Variants in MYRIP observed in about 807,000 individuals in gnomAD.
The protein encoded by MYRIP is rab effector MyRIP.
Under a neutral mutation model 98.0 loss-of-function variants are expected in MYRIP, and 49 were observed. The observed-to-expected ratio is 0.50, with a 90% confidence interval of 0.40 to 0.63. MYRIP has a LOEUF of 0.63. Ranked by LOEUF, MYRIP falls within the 30% of genes least tolerant of loss-of-function variation. The pLI, the probability that MYRIP is intolerant of heterozygous loss-of-function variation, is 0.00. For synonymous variants in MYRIP, 404 were observed against 409.5 expected (o/e 0.99, Z 0.16); for missense variants, 1,004 against 1,058.2 (o/e 0.95, Z 0.71).
intron 10 of MYRIP, among the ~76,000 whole-genome samples, chr3:40,192,640 G>T (rs765723581): frequency 6.6e-6 from 1 of 152,012 alleles, no homozygotes. Flanking sequence ...AAGTGATAGA[G>T]GTGTCACCGA....
At chr3:39,888,111 A>G (rs1039828428) in intron 1 of MYRIP, among the ~76,000 whole-genome samples, 8 of 152,092 alleles carry the variant, frequency 5.3e-5, no homozygotes, top group Non-Finnish European at 1.2e-4. Context: ...TCCCAAGGTA[A>G]TTTACAGATT....
rs539773869 is a variant in MYRIP at position 40,120,299 on chromosome 3, C to T, written c.333-30749C>T. ...CTAATATTCACAGTAATCAGATCAT[C>T]TTCTTGTTCCAACAACCAGCTAGGA... On this transcript the variant is annotated intron_variant, in intron 3 of 16. Transcript: ENST00000302541. 2.6e-5 allele frequency among the ~76,000 whole-genome samples: 4 copies of T among 152,332 alleles called. No individual in the cohort carries two copies. In the South Asian group the frequency reaches 8.3e-4, roughly 32 times the overall value.
chr3:39,956,684 A>C (rs990638015), intron 2 of MYRIP, among the ~76,000 whole-genome samples: 2 of 151,996 alleles, frequency 1.3e-5, no homozygotes, highest in Non-Finnish European at 2.9e-5. Flanking sequence ...AGATCAGAGC[A>C]GAACTGAAGG....
At position 40,166,940 on chromosome 3, in the gene MYRIP, C is replaced by T. The variant is rs752112898; in HGVS notation, c.645C>T (p.Ser215=). The change falls in exon 6 of 17, where the codon AGC becomes AGT. Residue 215 remains serine, a synonymous_variant. Transcript: ENST00000302541. ...AISKAEAYGD[S]LDKQNEASYL... ...CCAAAGCAGAGGCATATGGGGACAGCCTGGTAGGGCCCCTCCTGCTCCTCT... is the reference window on the plus strand; with the variant it reads ...CCAAAGCAGAGGCATATGGGGACAGTCTGGTAGGGCCCCTCCTGCTCCTCT... The T allele has an allele frequency of 1.2e-6, 2 of 1,611,966 alleles. No individual in the cohort carries two copies. The highest frequency in any genetic ancestry group is 2.2e-5 in the South Asian group (2 of 91,008).
At chr3:40,126,846 C>A (rs1159982192) in intron 3 of MYRIP, among the ~76,000 whole-genome samples, 1 of 152,200 alleles carries the variant, frequency 6.6e-6, no homozygotes, top group East Asian at 1.9e-4. Flanking sequence ...AAGGGCATCC[C>A]TGGGGCCTAT....
In MYRIP at chr3:39,849,445, T is replaced by A. The variant is rs147350563; in HGVS notation, c.-31+39529T>A. ...TGGAAAAATTGTGCCAGGGTAATACTGGCAAGTTGTTTTCTCCGGTCCACG... is the reference window on the plus strand; with the variant it reads ...TGGAAAAATTGTGCCAGGGTAATACAGGCAAGTTGTTTTCTCCGGTCCACG... On this transcript the variant is annotated intron_variant, in intron 1 of 16. Transcript: ENST00000302541. Among the ~76,000 whole-genome samples, 4 of 152,326 alleles carry A rather than the reference T, an allele frequency of 2.6e-5. No individual in the cohort carries two copies. In the East Asian group the frequency reaches 7.7e-4, roughly 29 times the overall value.
intron 2 of MYRIP, among the ~76,000 whole-genome samples, chr3:39,909,700 T>C (rs762152526): frequency 5.9e-4 from 89 of 152,100 alleles, no homozygotes; most frequent in Non-Finnish European, 1.1e-3. Context: ...CTGGGTAAAG[T>C]AATATGGATA....
chr3:40,210,244 C>T (rs1055128844), intron 11 of MYRIP, 151 bp downstream of exon 11: 1 of 985,668 alleles, frequency 1.0e-6, no homozygotes, highest in Non-Finnish European at 1.5e-6. Context: ...CTAAGAGAAC[C>T]CTTCTTAACT....
intron 1 of MYRIP, among the ~76,000 whole-genome samples, chr3:39,857,480 C>T (rs7625265): frequency 0.04 from 6,070 of 152,060 alleles, 299 homozygotes; most frequent in East Asian, 0.13. Context: ...AGAGCTTCAA[C>T]ATAATTCTCA....
chr3:40,158,071 C>A (rs1414640200), intron 4 of MYRIP, among the ~76,000 whole-genome samples: 1 of 151,994 alleles, frequency 6.6e-6, no homozygotes, highest in Non-Finnish European at 1.5e-5. Context: ...TTTTCTAGTT[C>A]TTTTAATTGT....
At chr3:39,956,552 A>G (rs1945168262) in intron 2 of MYRIP, among the ~76,000 whole-genome samples, 1 of 152,222 alleles carries the variant, frequency 6.6e-6, no homozygotes, top group Non-Finnish European at 1.5e-5. Context: ...AATTTATAGC[A>G]CTAAATGCCC....
intron 2 of MYRIP, among the ~76,000 whole-genome samples, chr3:39,971,791 C>T (rs914249049): frequency 5.3e-5 from 8 of 152,076 alleles, no homozygotes; most frequent in African/African-American, 7.2e-5. Flanking sequence ...ACAAGCACTC[C>T]GTTCTGTCTT....
chr3:39,918,391 T>C (rs1944223114), intron 2 of MYRIP, among the ~76,000 whole-genome samples: 1 of 152,222 alleles, frequency 6.6e-6, no homozygotes, highest in South Asian at 2.1e-4. Flanking sequence ...TGAATGCTCA[T>C]GTGTGGTCAA....
At chr3:39,952,373 G>A (rs376950490) in intron 2 of MYRIP, among the ~76,000 whole-genome samples, 7 of 152,144 alleles carry the variant, frequency 4.6e-5, no homozygotes, top group African/African-American at 1.4e-4. Context: ...TTTGTTGAGA[G>A]TTTTTATCAT....
intron 16 of MYRIP, among the ~76,000 whole-genome samples, chr3:40,255,574 C>A (rs775107454): frequency 1.3e-5 from 2 of 152,096 alleles, no homozygotes; most frequent in African/African-American, 2.4e-5. Context: ...GAAATAATTA[C>A]TTTCAAAGAA....
chr3:39,980,695 G>C (rs1332579140), intron 2 of MYRIP, among the ~76,000 whole-genome samples: 3 of 152,132 alleles, frequency 2.0e-5, no homozygotes, highest in Non-Finnish European at 4.4e-5. Flanking sequence ...CCTTGTCCTG[G>C]CTGGATTTTC....
At chr3:40,154,269 C>T (rs1368643201) in intron 4 of MYRIP, among the ~76,000 whole-genome samples, 1 of 152,208 alleles carries the variant, frequency 6.6e-6, no homozygotes, top group Non-Finnish European at 1.5e-5. Flanking sequence ...CCTTCTCCTG[C>T]AGCTCACAGC....
At chr3:40,000,571 T>C (rs76792212) in intron 2 of MYRIP, among the ~76,000 whole-genome samples, 2,443 of 152,342 alleles carry the variant, frequency 0.016, 83 homozygotes, top group South Asian at 0.13. Flanking sequence ...GGCCTTGTCA[T>C]GGGAAGACAT....
chr3:40,202,196 T>G (rs978336382), intron 10 of MYRIP, among the ~76,000 whole-genome samples: 1 of 152,176 alleles, frequency 6.6e-6, no homozygotes, highest in African/African-American at 2.4e-5. Context: ...TAAGGATATA[T>G]TCAACAAATG....
Sources: gnomAD v4.1 joint callset for allele counts (sites outside exome capture counted in the v4.1 genomes callset) on GRCh38, gnomAD v4.1.1 for gene constraint, MANE v1.5 for transcripts, NCBI Gene and HGNC (gene_info 2026-07-23, HGNC 2026-07-21) for gene names.